B3GALT1: variants seen among roughly 807,000 people sequenced by gnomAD.
The protein encoded by B3GALT1 is UDP-Gal:betaGlcNAc beta 1,3-galactosyltransferase, polypeptide 1.
Under a neutral mutation model 23.2 loss-of-function variants are expected in B3GALT1, and 10 were observed. That is an observed-to-expected ratio of 0.43 (90% confidence interval 0.27 to 0.73). B3GALT1 has a LOEUF of 0.73. Ranked by LOEUF, B3GALT1 falls within the 30% of genes least tolerant of loss-of-function variation. The pLI is 0.21. For synonymous variants in B3GALT1, 156 were observed against 141.5 expected, an observed-to-expected ratio of 1.10 and a Z score of -0.73; for missense variants, 299 against 405.4, an observed-to-expected ratio of 0.74 and a Z score of 2.25.
At chr2:167,584,155 G>T (rs1171896976) in intron 2 of B3GALT1, among the ~76,000 whole-genome samples, 3 of 152,088 alleles carry the variant, frequency 2.0e-5, no homozygotes, top group African/African-American at 7.2e-5. Context: ...TTCTTAAATG[G>T]CAGGGAGCTG....
At chr2:167,736,937 TCC>T in intron 3 of B3GALT1, among the ~76,000 whole-genome samples, 1 of 129,106 alleles carries the variant, frequency 7.7e-6, no homozygotes, top group South Asian at 2.6e-4. Context: ...GTCCCCCCCT[TCC>T]CCCCCAAAAA....
chr2:167,393,408 G>A (rs528220447), intron 1 of B3GALT1, among the ~76,000 whole-genome samples: 1 of 151,738 alleles, frequency 6.6e-6, no homozygotes, highest in South Asian at 2.1e-4. Context: ...CTAAGAGGAG[G>A]GATTCTGGGG....
At chr2:167,762,571 GA>G (rs1365943204) in intron 3 of B3GALT1, among the ~76,000 whole-genome samples, 1 of 141,536 alleles carries the variant, frequency 7.1e-6, no homozygotes, top group Admixed American at 6.9e-5. Context: ...AGGAAGTCTG[GA>G]CCAAAAATAA....
At chr2:167,663,686 T>C (rs1686115287) in intron 3 of B3GALT1, among the ~76,000 whole-genome samples, 1 of 151,360 alleles carries the variant, frequency 6.6e-6, no homozygotes, top group African/African-American at 2.4e-5. Context: ...CATTGTGGTT[T>C]TGATTTGCAT....
intron 4 of B3GALT1, among the ~76,000 whole-genome samples, chr2:167,851,473 T>G (rs1323149343): frequency 6.6e-6 from 1 of 152,122 alleles, no homozygotes; most frequent in Non-Finnish European, 1.5e-5. Flanking sequence ...AAAACAAAAA[T>G]CTGTGAGCCA....
At chr2:167,593,130 C>A (rs1574157139) in intron 2 of B3GALT1, among the ~76,000 whole-genome samples, 1 of 152,132 alleles carries the variant, frequency 6.6e-6, no homozygotes, top group African/African-American at 2.4e-5. Flanking sequence ...GTTATCTAAA[C>A]ACTTAAGTAC....
intron 3 of B3GALT1, among the ~76,000 whole-genome samples, chr2:167,785,997 G>A (rs187247351): frequency 1.8e-4 from 28 of 152,290 alleles, no homozygotes; most frequent in Non-Finnish European, 3.2e-4. Flanking sequence ...TGGGTGCTAC[G>A]TTGAAAGCAA....
At chr2:167,469,566 A>G (rs76365168) in intron 1 of B3GALT1, among the ~76,000 whole-genome samples, 2,975 of 152,304 alleles carry the variant, frequency 0.02, 92 homozygotes, top group African/African-American at 0.067. Context: ...GCCCATGGTA[A>G]GAATACATTC....
chr2:167,598,680 T>C (rs1005707545), intron 2 of B3GALT1, among the ~76,000 whole-genome samples: 2 of 152,184 alleles, frequency 1.3e-5, no homozygotes, highest in African/African-American at 4.8e-5. Context: ...CTCTAACACA[T>C]TCTCATGTGA....
chr2:167,544,216 C>T (rs902123766), intron 2 of B3GALT1, among the ~76,000 whole-genome samples: 3 of 152,256 alleles, frequency 2.0e-5, no homozygotes, highest in South Asian at 2.1e-4. Flanking sequence ...TGACTTTGAC[C>T]GAACTTGATC....
intron 3 of B3GALT1, among the ~76,000 whole-genome samples, chr2:167,732,480 A>G (rs1001568472): frequency 5.9e-5 from 9 of 152,208 alleles, no homozygotes; most frequent in African/African-American, 2.2e-4. Flanking sequence ...ACCGGAGCCA[A>G]CATGCAGTGG....
At chr2:167,337,021 A>G (rs1697067840) in intron 1 of B3GALT1, among the ~76,000 whole-genome samples, 2 of 152,166 alleles carry the variant, frequency 1.3e-5, no homozygotes, top group South Asian at 4.2e-4. Flanking sequence ...TGCCCTCCTT[A>G]CCTACCCTGC....
chr2:167,321,250 A>G (rs937104837), intron 1 of B3GALT1, among the ~76,000 whole-genome samples: 3 of 152,118 alleles, frequency 2.0e-5, no homozygotes, highest in African/African-American at 7.2e-5. Flanking sequence ...AATGCAAAAA[A>G]TGTAGTACTT....
At chr2:167,739,972 G>A (rs1026661246) in intron 3 of B3GALT1, among the ~76,000 whole-genome samples, 1 of 150,716 alleles carries the variant, frequency 6.6e-6, no homozygotes, top group African/African-American at 2.4e-5. Flanking sequence ...GGTGGTGCAT[G>A]CCTGTAGACT....
At chr2:167,490,008 T>C (rs1178870371) in intron 1 of B3GALT1, among the ~76,000 whole-genome samples, 169 bp from the exon 2 acceptor site, 2 of 152,194 alleles carry the variant, frequency 1.3e-5, no homozygotes, top group Admixed American at 6.5e-5. Flanking sequence ...AAATTCCTTT[T>C]CAAATTAAGT....
At chr2:167,564,429 G>A (rs1341969613) in intron 2 of B3GALT1, among the ~76,000 whole-genome samples, 2 of 152,082 alleles carry the variant, frequency 1.3e-5, no homozygotes, top group South Asian at 2.1e-4. Context: ...TGGGCGGCCA[G>A]GCGGAGACGC....
At chr2:167,862,909 C>T (rs1012646718) in intron 4 of B3GALT1, 1 of 152,170 alleles carries the variant, frequency 6.6e-6, no homozygotes, top group African/African-American at 2.4e-5. Flanking sequence ...ATCTGAAATA[C>T]AGTAAGGCCC....
chr2:167,441,969 G>A (rs1698900821), intron 1 of B3GALT1, among the ~76,000 whole-genome samples: 1 of 151,710 alleles, frequency 6.6e-6, no homozygotes, highest in Non-Finnish European at 1.5e-5. Flanking sequence ...ATGCTGGTGT[G>A]CTGCACCCAT....
intron 3 of B3GALT1, among the ~76,000 whole-genome samples, chr2:167,717,337 T>G (rs2105251125): frequency 6.6e-6 from 1 of 152,116 alleles, no homozygotes; most frequent in South Asian, 2.1e-4. Context: ...ATGTGCACAA[T>G]GTGCAGGTTT....
Sources: gnomAD v4.1 joint callset for allele counts (sites outside exome capture counted in the v4.1 genomes callset) on GRCh38, gnomAD v4.1.1 for gene constraint, MANE v1.5 for transcripts, NCBI Gene and HGNC (gene_info 2026-07-23, HGNC 2026-07-21) for gene names.